UNC79: variants seen among roughly 807,000 people sequenced by gnomAD.
UNC79 encodes unc-79 subunit of NALCN channel complex, also known as protein unc-79 homolog.
In UNC79, 37 loss-of-function variants were observed where a neutral mutation model predicts 283.1. The ratio of observed to expected loss-of-function variants is 0.13; its 90% CI spans 0.10 to 0.17. UNC79 has a LOEUF of 0.17. Among genes scored for constraint, UNC79 ranks in the 10% least tolerant of loss-of-function variants. UNC79 has a pLI of 1.00. For missense variants in UNC79, 2,272 were observed against 3,211.1 expected (o/e 0.71, Z 7.07); for synonymous variants, 1,107 against 1,200.2 (o/e 0.92, Z 1.61).
chr14:93,673,427 C>G (rs757173388), exon 41 of UNC79: 25 of 1,613,048 alleles, frequency 1.5e-5, no homozygotes, highest in Non-Finnish European at 2.0e-5. Flanking sequence ...TCTCCTTTAC[C>G]AGATACAAAC....
intron 18 of UNC79, among the ~76,000 whole-genome samples, chr14:93,578,594 CTT>C (rs2141705019): frequency 6.6e-6 from 1 of 152,294 alleles, no homozygotes; most frequent in East Asian, 1.9e-4. Flanking sequence ...ATCTGCTTCT[CTT>C]TCTCTGCATG....
At chr14:93,347,999 T>C in intron 1 of UNC79, 3 of 1,403,312 alleles carry the variant, frequency 2.1e-6, no homozygotes, top group Non-Finnish European at 3.0e-6. Flanking sequence ...GAAGCCATAC[T>C]CAGCAGCGCG....
At chr14:93,580,967 C>G (rs1255055552) in intron 19 of UNC79, among the ~76,000 whole-genome samples, 4 of 152,028 alleles carry the variant, frequency 2.6e-5, no homozygotes, top group Non-Finnish European at 5.9e-5. Flanking sequence ...CCTCAACCTC[C>G]CAAAGTGCTG....
intron 1 of UNC79, among the ~76,000 whole-genome samples, chr14:93,341,660 C>A (rs1323787611): frequency 2.6e-5 from 4 of 151,046 alleles, no homozygotes; most frequent in Non-Finnish European, 4.4e-5. Flanking sequence ...TGTGTTCCCA[C>A]CTACTTGGGA....
chr14:93,413,971 G>T (rs2055396600), intron 1 of UNC79, among the ~76,000 whole-genome samples: 1 of 151,356 alleles, frequency 6.6e-6, no homozygotes, highest in Admixed American at 6.6e-5. Flanking sequence ...CTCCCATTTT[G>T]TAGGTTGCCT....
chr14:93,550,347 T>A (rs374037669), intron 14 of UNC79, among the ~76,000 whole-genome samples: 1 of 152,062 alleles, frequency 6.6e-6, no homozygotes, highest in South Asian at 2.1e-4. Context: ...AAACCTCGTC[T>A]CTACTAAAAA....
At chr14:93,424,726 G>A (rs2055685856) in intron 1 of UNC79, among the ~76,000 whole-genome samples, 1 of 151,834 alleles carries the variant, frequency 6.6e-6, no homozygotes, top group African/African-American at 2.4e-5. Flanking sequence ...AATAGTGGGG[G>A]TGGAGGGGCA....
At chr14:93,653,809 G>T in exon 36 of UNC79, 1 of 1,614,084 alleles carries the variant, frequency 6.2e-7, no homozygotes, top group Non-Finnish European at 8.5e-7. Context: ...CCATCAGTTG[G>T]CCCCCAACGG....
intron 1 of UNC79, among the ~76,000 whole-genome samples, chr14:93,366,356 A>T (rs754826041): frequency 2.6e-5 from 4 of 152,186 alleles, no homozygotes; most frequent in Admixed American, 6.5e-5. Flanking sequence ...TGTTCAGTGC[A>T]TCTTTCCATG....
At chr14:93,633,016 A>G (rs949598684) in intron 31 of UNC79, among the ~76,000 whole-genome samples, 2 of 152,168 alleles carry the variant, frequency 1.3e-5, no homozygotes, top group African/African-American at 2.4e-5. Context: ...GCTGTCTTTG[A>G]AAACACCTGA....
intron 1 of UNC79, among the ~76,000 whole-genome samples, chr14:93,366,120 T>C (rs926940026): frequency 5.3e-5 from 8 of 152,190 alleles, no homozygotes; most frequent in African/African-American, 1.9e-4. Flanking sequence ...CCAATTAGAA[T>C]ACTATACCTA....
At chr14:93,452,635 G>A (rs530792844) in intron 1 of UNC79, among the ~76,000 whole-genome samples, 36 of 152,064 alleles carry the variant, frequency 2.4e-4, no homozygotes, top group South Asian at 8.3e-4. Flanking sequence ...TGACCCACCC[G>A]CCTCGGCTTC....
intron 1 of UNC79, among the ~76,000 whole-genome samples, chr14:93,362,496 G>T (rs1315226877): frequency 2.0e-5 from 3 of 152,056 alleles, no homozygotes; most frequent in African/African-American, 7.2e-5. Flanking sequence ...TTACAGGTGT[G>T]TGCCACCATG....
At chr14:93,547,667 C>T (rs1226818549) in intron 14 of UNC79, among the ~76,000 whole-genome samples, 1 of 152,100 alleles carries the variant, frequency 6.6e-6, no homozygotes, top group Non-Finnish European at 1.5e-5. Context: ...ACTTGGTTCT[C>T]TTAAATAGTC....
At chr14:93,421,357 AAG>A (rs2055595315) in intron 1 of UNC79, among the ~76,000 whole-genome samples, 1 of 151,708 alleles carries the variant, frequency 6.6e-6, no homozygotes, top group Non-Finnish European at 1.5e-5. Context: ...GAAACACTAG[AAG>A]AAATGGATAA....
At chr14:93,580,892 G>T (rs1259862650) in intron 19 of UNC79, among the ~76,000 whole-genome samples, 1 of 151,922 alleles carries the variant, frequency 6.6e-6, no homozygotes, top group Non-Finnish European at 1.5e-5. Context: ...TATTTTTTGT[G>T]GAGACGGGGT....
intron 42 of UNC79, among the ~76,000 whole-genome samples, chr14:93,686,258 A>C (rs1306844103): frequency 6.6e-6 from 1 of 152,166 alleles, no homozygotes; most frequent in Admixed American, 6.5e-5. Context: ...ACATAGGCTG[A>C]ATCTTTGCAT....
intron 7 of UNC79, among the ~76,000 whole-genome samples, chr14:93,508,283 C>G (rs2059649792): frequency 6.6e-6 from 1 of 151,672 alleles, no homozygotes. Context: ...CTTTGGGAGG[C>G]CGAGGTGGGA....
chr14:93,564,467 G>A (rs2062754526), intron 14 of UNC79, among the ~76,000 whole-genome samples: 1 of 152,172 alleles, frequency 6.6e-6, no homozygotes, highest in African/African-American at 2.4e-5. Context: ...TTTGAGCTTT[G>A]GATGGGGATA....
Sources: gnomAD v4.1 joint callset for allele counts (sites outside exome capture counted in the v4.1 genomes callset) on GRCh38, gnomAD v4.1.1 for gene constraint, MANE v1.5 for transcripts, NCBI Gene and HGNC (gene_info 2026-07-23, HGNC 2026-07-21) for gene names.